The following GTF2H4 variants were observed in gnomAD, a reference collection of about 807,000 sequenced individuals.
GTF2H4 encodes BTF2 p52.
Under a neutral mutation model 62.2 loss-of-function variants are expected in GTF2H4, and 49 were observed. The observed-to-expected ratio is 0.79, with a 90% CI of 0.63 to 1.00. The LOEUF (loss-of-function observed/expected upper bound fraction) is 1.00. Ranked by LOEUF, GTF2H4 falls within the 50% of genes least tolerant of loss-of-function variation. The pLI, the probability that GTF2H4 is intolerant of heterozygous loss-of-function variation, is 0.00. For missense variants in GTF2H4, 479 were observed against 587.8 expected (o/e 0.81, Z 1.91); for synonymous variants, 189 against 233.8 (o/e 0.81, Z 1.75).
At position 30,911,080 on chromosome 6, in the gene GTF2H4, G is replaced by C; in HGVS notation, c.561-78G>C. On this transcript the variant is annotated intron_variant, in intron 6 of 13. Transcript: ENST00000259895. The surrounding 1 kb of genome is among the most constrained non-coding windows in gnomAD (Gnocchi z 4.3). Reference sequence around the variant, plus strand: ...AGTAGAATATAGCCAGAGATACCAAGAAAAAACGTGAGTGGACAAGTGGGG... The same window carrying C: ...AGTAGAATATAGCCAGAGATACCAACAAAAAACGTGAGTGGACAAGTGGGG... 1 of 1,378,378 alleles carries C rather than the reference G, an allele frequency of 7.3e-7. No individual in the cohort carries two copies. Among genetic ancestry groups the C allele is most frequent in the Non-Finnish European group, 1.0e-6 (1 of 970,278 alleles). 85.4% of individuals were successfully genotyped at this position (1,378,378 alleles called of 1,614,324 possible).
chr6:30,912,827 C>T lies in GTF2H4; in HGVS notation c.1090-283C>T, dbSNP rs1466613219. On this transcript the variant is annotated intron_variant, in intron 11 of 13. Coordinates refer to ENST00000259895, the MANE Select transcript of GTF2H4 (RefSeq NM_001517.5). This position sits in a 1 kb window ranked among gnomAD's most constrained non-coding sequence, Gnocchi z 4.8. ...AGGGGCAAAGCATTGAGCTCAGCAC[C>T]TGTCATGCAATAAATGCTAAAAAAA... Among the ~76,000 whole-genome samples the T allele has an allele frequency of 6.6e-6, 1 of 152,070 alleles. No homozygotes were observed. The highest frequency in any genetic ancestry group is 6.6e-5 in the Admixed American group (1 of 15,252).
In GTF2H4 at chr6:30,909,473, T is replaced by C; in HGVS notation, c.176T>C (p.Met59Thr). ...TTGGCTAAGAACTGGGTGATGCGGATGCTCTTTCTGGAGCAGCCTTTGCCA... is the reference window on the plus strand; with the variant it reads ...TTGGCTAAGAACTGGGTGATGCGGACGCTCTTTCTGGAGCAGCCTTTGCCA... The part of the protein sequence containing the change: ...PSLAKNWVMR[M>T]LFLEQPLPQA... The change falls in exon 3 of 14, where the codon ATG becomes ACG. Residue 59 changes from methionine (M) to threonine (T), a missense_variant. By Grantham distance (81) the Met-to-Thr change is moderately conservative. Coordinates refer to ENST00000259895, the MANE Select transcript of GTF2H4 (RefSeq NM_001517.5). The surrounding 1 kb of genome is among the most constrained non-coding windows in gnomAD (Gnocchi z 4.3). The C allele has an allele frequency of 6.2e-7, 1 of 1,612,930 alleles. No individual in the cohort carries two copies. The highest frequency in any genetic ancestry group is 2.2e-5 in the East Asian group (1 of 44,888).
chr6:30,911,320 A>G lies in GTF2H4; in HGVS notation c.672+51A>G. 3 of 1,498,452 alleles carry G rather than the reference A, an allele frequency of 2.0e-6. No homozygotes were observed. Among genetic ancestry groups the G allele is most frequent in the Non-Finnish European group, 2.8e-6 (3 of 1,076,356 alleles). 92.8% of individuals were successfully genotyped at this position (1,498,452 alleles called of 1,614,324 possible). On this transcript the variant is annotated intron_variant, in intron 7 of 13. Coordinates refer to ENST00000259895, the MANE Select transcript of GTF2H4 (RefSeq NM_001517.5). This position sits in a 1 kb window ranked among gnomAD's most constrained non-coding sequence, Gnocchi z 4.3. ...GCATGCTCTGCTCCTCTCAGGTCTC[A>G]CTGAGAGACTCCTGCCTACAGACTG...
In GTF2H4 at chr6:30,912,063, C is replaced by T. The variant is rs768379258; in HGVS notation, c.875C>T (p.Ser292Leu). 1.2e-5 allele frequency: 19 copies of T among 1,612,800 alleles called. No homozygotes were observed. In the African/African-American group the frequency reaches 1.2e-4, roughly 10 times the overall value. Reference protein sequence around the residue: ...YPTRLAINLSSGVSGAGGTVH... With the variant: ...YPTRLAINLSLGVSGAGGTVH... ...ACACGCCTGGCCATCAATCTCTCAT[C>T]AGGTGTCTCTGGAGCTGGGGGCACT... The change falls in exon 10 of 14, where the codon TCA (serine) becomes TTA (leucine). Residue 292 changes from serine to leucine, a missense_variant. Ser to Leu is a moderately radical substitution (Grantham distance 145). Coordinates refer to ENST00000259895, the MANE Select transcript of GTF2H4 (RefSeq NM_001517.5). The surrounding 1 kb of genome is among the most constrained non-coding windows in gnomAD (Gnocchi z 4.8).
In GTF2H4 at chr6:30,911,011, G is replaced by A; in HGVS notation, c.560+70G>A. 1.4e-6 allele frequency: 2 copies of A among 1,389,804 alleles called. No individual in the cohort carries two copies. The highest frequency in any genetic ancestry group is 2.0e-6 in the Non-Finnish European group (2 of 996,220). 86.1% of individuals were successfully genotyped at this position (1,389,804 alleles called of 1,614,324 possible). On this transcript the variant is annotated intron_variant, in intron 6 of 13. Coordinates refer to ENST00000259895, the MANE Select transcript of GTF2H4 (RefSeq NM_001517.5). The surrounding 1 kb of genome is among the most constrained non-coding windows in gnomAD (Gnocchi z 4.3). The stretch of plus-strand genomic sequence containing the variant: ...TTGGGTCCCTAAGAAATGGTATCTG[G>A]GGCTAGTCAAGATCAGAGGACATTA...
In GTF2H4 at chr6:30,910,044, C is replaced by T. The variant is rs2230120; in HGVS notation, c.355C>T (p.Arg119Cys). Residue 119 changes from arginine to cysteine, a missense_variant, in exon 4 of 14, where the codon CGC (arginine) becomes TGC (cysteine). Physicochemically the swap from Arg to Cys is radical, Grantham distance 180. Transcript: ENST00000259895. This position sits in a 1 kb window ranked among gnomAD's most constrained non-coding sequence, Gnocchi z 4.7. ...ILNPIFRQNL[R>C]IALLGGGKAW... is the part of the protein sequence containing the mutation. ...CAACCCCATTTTCCGCCAGAACCTC[C>T]GCATTGCCCTTCTGGGTGGGTATGT... The T allele has an allele frequency of 8.6e-5, 138 of 1,613,040 alleles. No homozygotes were observed. The East Asian group carries it at 2.4e-3, about 28-fold the overall frequency.
chr6:30,908,694 A>G (rs1793637597), intron 1 of GTF2H4, among the ~76,000 whole-genome samples: 1 of 152,142 alleles, frequency 6.6e-6, no homozygotes, highest in Non-Finnish European at 1.5e-5. Flanking sequence ...GATGGAAGAG[A>G]GAGGTGTGGG....
Position 30,913,684 on chromosome 6 carries a change from T to C in GTF2H4, c.1217-127T>C, listed in dbSNP as rs1038965510. ...AAGCATAGAGAATTAGTTTGTAAAATTGCGGTGGGGGCAAGCCCAGACCGC... is the reference window on the plus strand; with the variant it reads ...AAGCATAGAGAATTAGTTTGTAAAACTGCGGTGGGGGCAAGCCCAGACCGC... On this transcript the variant is annotated intron_variant, in intron 13 of 13. Coordinates refer to ENST00000259895, the MANE Select transcript of GTF2H4 (RefSeq NM_001517.5). The surrounding 1 kb of genome is among the most constrained non-coding windows in gnomAD (Gnocchi z 4.2). 19 of 877,160 alleles carry C rather than the reference T, an allele frequency of 2.2e-5. No homozygotes were observed. Among genetic ancestry groups the C allele is most frequent in the Admixed American group, 1.2e-4 (4 of 32,218 alleles). 54.3% of individuals were successfully genotyped at this position (877,160 alleles called of 1,614,324 possible).
rs148884239 is a variant in GTF2H4, at chr6:30,913,249, A to G, written c.1138-60A>G. The G allele has an allele frequency of 4.0e-4, 646 of 1,611,968 alleles. 5 individuals carry two copies. The African/African-American group carries it at 7.3e-3, about 18-fold the overall frequency. On this transcript the variant is annotated intron_variant, in intron 12 of 13. Coordinates refer to ENST00000259895, the MANE Select transcript of GTF2H4 (RefSeq NM_001517.5). The surrounding 1 kb of genome is among the most constrained non-coding windows in gnomAD (Gnocchi z 4.2). ...GCATCCAAATCTGGGGAAGAAACAG[A>G]GGGCCGGGTTGTCTGGGGCAGTATT...
chr6:30,910,542 G>A lies in GTF2H4; in HGVS notation c.375-123G>A. 1 of 743,298 alleles carries A rather than the reference G, an allele frequency of 1.3e-6. No individual in the cohort carries two copies. Among genetic ancestry groups the A allele is most frequent in the Admixed American group, 2.0e-5 (1 of 50,242 alleles). 46.0% of individuals were successfully genotyped at this position (743,298 alleles called of 1,614,324 possible). A position where few individuals can be genotyped will look rare whatever the true frequency, so the allele number is the denominator to read the frequency against. ...GATGGGGTTTCGCCATGTTGGCCAG[G>A]CTGGTCTTGAACTCCTGACCTCAAG... On this transcript the variant is annotated intron_variant, in intron 4 of 13. Coordinates refer to ENST00000259895, the MANE Select transcript of GTF2H4 (RefSeq NM_001517.5). This position sits in a 1 kb window ranked among gnomAD's most constrained non-coding sequence, Gnocchi z 4.7.
Position 30,911,886 on chromosome 6 carries a change from T to C in GTF2H4, c.825+119T>C, listed in dbSNP as rs949236550. The C allele has an allele frequency of 1.4e-6, 2 of 1,407,900 alleles. No individual in the cohort carries two copies. Among genetic ancestry groups the C allele is most frequent in the Non-Finnish European group, 2.0e-6 (2 of 1,007,286 alleles). 87.2% of individuals were successfully genotyped at this position (1,407,900 alleles called of 1,614,324 possible). A position where few individuals can be genotyped will look rare whatever the true frequency, so the allele number is the denominator to read the frequency against. On this transcript the variant is annotated intron_variant, in intron 9 of 13. Coordinates refer to ENST00000259895, the MANE Select transcript of GTF2H4 (RefSeq NM_001517.5). This position sits in a 1 kb window ranked among gnomAD's most constrained non-coding sequence, Gnocchi z 4.3. ...GGAAGCAGTTGCCAGAACTGAATAC[T>C]TGGGTCTCTCGGGGGAGAGAAGTTG...
At position 30,913,222 on chromosome 6, in the gene GTF2H4, GGGCATCCAAATCTGGGGAAGAAACAGA is replaced by G; in HGVS notation, c.1137+68_1138-58del. 6.2e-7 allele frequency: 1 copy of G among 1,612,774 alleles called. No individual in the cohort carries two copies. Among genetic ancestry groups the G allele is most frequent in the South Asian group, 1.1e-5 (1 of 91,006 alleles). ...TGATGACATGATGGAAAAGAAAAAG[GGGCATCCAAATCTGGGGAAGAAACAGA>G]GGGCCGGGTTGTCTGGGGCAGTATT... On this transcript the variant is annotated intron_variant, in intron 12 of 13. Transcript: ENST00000259895. The surrounding 1 kb of genome is among the most constrained non-coding windows in gnomAD (Gnocchi z 4.2).
Position 30,909,374 on chromosome 6 carries a change from G to C in GTF2H4, c.138-61G>C, listed in dbSNP as rs752970265. On this transcript the variant is annotated intron_variant, in intron 2 of 13. Transcript: ENST00000259895. This position sits in a 1 kb window ranked among gnomAD's most constrained non-coding sequence, Gnocchi z 4.3. ...ATGAGATGTTTGAGAGGTAATTGAGGGCAGAGATGCAGATACAATGCAGCT... is the reference window on the plus strand; with the variant it reads ...ATGAGATGTTTGAGAGGTAATTGAGCGCAGAGATGCAGATACAATGCAGCT... 1.6e-6 allele frequency: 2 copies of C among 1,277,998 alleles called. No homozygotes were observed. Among genetic ancestry groups the C allele is most frequent in the Non-Finnish European group, 2.3e-6 (2 of 880,934 alleles). 79.2% of individuals were successfully genotyped at this position (1,277,998 alleles called of 1,614,324 possible).
rs1793818155 is a variant in GTF2H4 at position 30,912,492 on chromosome 6, C to A, written c.1089+34C>A. The A allele has an allele frequency of 1.2e-6, 2 of 1,610,164 alleles. No homozygotes were observed. Among genetic ancestry groups the A allele is most frequent in the Non-Finnish European group, 1.7e-6 (2 of 1,179,528 alleles). On this transcript the variant is annotated intron_variant, in intron 11 of 13. Coordinates refer to ENST00000259895, the MANE Select transcript of GTF2H4 (RefSeq NM_001517.5). This position sits in a 1 kb window ranked among gnomAD's most constrained non-coding sequence, Gnocchi z 4.8. ...ACTTGGGAGAGGTGGAGCAGGAAGA[C>A]AGGCTGCACTTGGGCTGCGGGGGAC...
chr6:30,913,450 T>G lies in GTF2H4; in HGVS notation c.1216+63T>G. The G allele has an allele frequency of 6.4e-7, 1 of 1,551,850 alleles. No homozygotes were observed. The highest frequency in any genetic ancestry group is 8.8e-7 in the Non-Finnish European group (1 of 1,141,710). On this transcript the variant is annotated intron_variant, in intron 13 of 13. Coordinates refer to ENST00000259895, the MANE Select transcript of GTF2H4 (RefSeq NM_001517.5). The surrounding 1 kb of genome is among the most constrained non-coding windows in gnomAD (Gnocchi z 4.2). ...CAGAGAAAGGGCAGACAGTTCAGTCTGCATTTTATTTTTTACTTCATGGAC... is the reference window on the plus strand; with the variant it reads ...CAGAGAAAGGGCAGACAGTTCAGTCGGCATTTTATTTTTTACTTCATGGAC...
At chr6:30,908,866 G>A (rs1793646957) in intron 1 of GTF2H4, among the ~76,000 whole-genome samples, 168 bp from the exon 2 acceptor site, 1 of 152,194 alleles carries the variant, frequency 6.6e-6, no homozygotes, top group African/African-American at 2.4e-5. Flanking sequence ...AAGGGAGGGA[G>A]ATTGGTCAGG....
At position 30,910,536 on chromosome 6, in the gene GTF2H4, G is replaced by A; in HGVS notation, c.375-129G>A. ...AGTAGAGATGGGGTTTCGCCATGTT[G>A]GCCAGGCTGGTCTTGAACTCCTGAC... is the stretch of plus-strand genomic sequence containing the variant. On this transcript the variant is annotated intron_variant, in intron 4 of 13. Coordinates refer to ENST00000259895, the MANE Select transcript of GTF2H4 (RefSeq NM_001517.5). The surrounding 1 kb of genome is among the most constrained non-coding windows in gnomAD (Gnocchi z 4.7). 2 of 730,322 alleles carry A rather than the reference G, an allele frequency of 2.7e-6. No individual in the cohort carries two copies. The highest frequency in any genetic ancestry group is 7.3e-4 in the Middle Eastern group (2 of 2,754). The allele number at this position is 730,322 out of a possible 1,614,324, so 45.2% of individuals were successfully genotyped here. A position where few individuals can be genotyped will look rare whatever the true frequency, so the allele number is the denominator to read the frequency against.
At position 30,913,422 on chromosome 6, in the gene GTF2H4, G is replaced by T; in HGVS notation, c.1216+35G>T. 6.2e-7 allele frequency: 1 copy of T among 1,606,342 alleles called. No homozygotes were observed. The highest frequency in any genetic ancestry group is 8.5e-7 in the Non-Finnish European group (1 of 1,176,760). ...TTCTGGTGGCCAAGTCTTGGTCATT[G>T]GCCAGAGAAAGGGCAGACAGTTCAG... On this transcript the variant is annotated intron_variant, in intron 13 of 13. Transcript: ENST00000259895. This position sits in a 1 kb window ranked among gnomAD's most constrained non-coding sequence, Gnocchi z 4.2.
At position 30,910,222 on chromosome 6, in the gene GTF2H4, G is replaced by A. The variant is rs944478763; in HGVS notation, c.374+159G>A. On this transcript the variant is annotated intron_variant, in intron 4 of 13. Transcript: ENST00000259895. This position sits in a 1 kb window ranked among gnomAD's most constrained non-coding sequence, Gnocchi z 4.7. The stretch of plus-strand genomic sequence containing the variant: ...AGGAGTAAGTTGGACCAGATGTAGT[G>A]TGTGGTGTAGGAAATGTCCCCCACT... Among the ~76,000 whole-genome samples, 13 of 152,226 alleles carry A rather than the reference G, an allele frequency of 8.5e-5. No homozygotes were observed. The highest frequency in any genetic ancestry group is 1.3e-4 in the Admixed American group (2 of 15,280).
Sources: allele counts gnomAD v4.1 joint callset (sites outside exome capture counted in the v4.1 genomes callset), GRCh38; gene constraint gnomAD v4.1.1; non-coding constraint Gnocchi (gnomAD v3.1); transcripts MANE v1.5; gene names NCBI Gene and HGNC (gene_info 2026-07-23, HGNC 2026-07-21).